The following RGS3 variants were observed in gnomAD, a reference collection of about 807,000 sequenced individuals.
The protein encoded by RGS3 is regulator of G protein signaling 3.
RGS3 carries 80 observed loss-of-function variants against 132.6 expected under a neutral mutation model. That is an observed-to-expected ratio of 0.60 (90% CI 0.50 to 0.73). The LOEUF (loss-of-function observed/expected upper bound fraction) is 0.73, where lower values mean the gene tolerates loss of function less well. Ranked by LOEUF, RGS3 falls within the 30% of genes least tolerant of loss-of-function variation. The pLI is 0.00. For missense variants in RGS3, 1,382 were observed against 1,530.8 expected (o/e 0.90, Z 1.62); for synonymous variants, 598 against 620.6 (o/e 0.96, Z 0.54).
intron 3 of RGS3, among the ~76,000 whole-genome samples, chr9:113,477,619 A>T (rs1564463401): frequency 6.6e-6 from 1 of 152,106 alleles, no homozygotes; most frequent in Non-Finnish European, 1.5e-5. Flanking sequence ...GCTGTGAGGG[A>T]TTGTGGAAGG....
Position 113,565,656 on chromosome 9 carries a change from G to C in RGS3, c.2038-17794G>C, listed in dbSNP as rs1048379163. 1 of 284,690 alleles carries C rather than the reference G, an allele frequency of 3.5e-6. No individual in the cohort carries two copies. Among genetic ancestry groups the C allele is most frequent in the African/African-American group, 2.2e-5 (1 of 44,938 alleles). 17.6% of individuals were successfully genotyped at this position (284,690 alleles called of 1,614,324 possible). A position where few individuals can be genotyped will look rare whatever the true frequency, so the allele number is the denominator to read the frequency against. ...CGGCCGCCCGCCTGCGGGAGGAGCC[G>C]GGTGGAAACCTGGGCGGGCGAGCTG... On this transcript the variant is annotated intron_variant, in intron 19 of 24. Coordinates refer to ENST00000350696, the Ensembl canonical transcript of RGS3. The surrounding 1 kb of genome is among the most constrained non-coding windows in gnomAD (Gnocchi z 5.7).
chr9:113,561,655 C>G (rs371841870), intron 19 of RGS3, among the ~76,000 whole-genome samples: 70 of 150,606 alleles, frequency 4.6e-4, no homozygotes, highest in Non-Finnish European at 9.1e-4. Context: ...CTCCTGGGCT[C>G]AAATGATCCT....
chr9:113,472,013 T>C (rs1829851125), intron 3 of RGS3, among the ~76,000 whole-genome samples: 1 of 152,028 alleles, frequency 6.6e-6, no homozygotes, highest in African/African-American at 2.4e-5. Context: ...GCTAACAGCA[T>C]GTGAAAAAAT....
At chr9:113,517,173 C>A (rs1831713674) in intron 15 of RGS3, 1 of 473,814 alleles carries the variant, frequency 2.1e-6, no homozygotes, top group Admixed American at 2.3e-5. Flanking sequence ...GAGGCATGAA[C>A]AGGATAGATG....
In RGS3 at chr9:113,579,030, C is replaced by T. The variant is rs941297796; in HGVS notation, c.2038-4420C>T. ...ATGTCCAGTGCTCTGTCAGTAAAAT[C>T]CTGGCTGTTAAGGGCCACCCTGAGA... On this transcript the variant is annotated intron_variant, in intron 19 of 24. Transcript: ENST00000350696. This position sits in a 1 kb window ranked among gnomAD's most constrained non-coding sequence, Gnocchi z 4.3. 1.8e-4 allele frequency among the ~76,000 whole-genome samples: 27 copies of T among 152,132 alleles called. No homozygotes were observed. Among genetic ancestry groups the T allele is most frequent in the Non-Finnish European group, 4.4e-5 (3 of 68,022 alleles).
chr9:113,514,105 C>T (rs537994790), intron 14 of RGS3, among the ~76,000 whole-genome samples: 13 of 152,246 alleles, frequency 8.5e-5, no homozygotes, highest in South Asian at 4.1e-4. Flanking sequence ...CAAATATGAG[C>T]GATTTCTTGA....
rs200967257 is a variant in RGS3 at position 113,450,001 on chromosome 9, TC to T, written c.-13+5077del. ...CTCAGGTGATCTGCCCACCTCGGCC[TC>T]CCAAAGTGCTGGGATTATAGGCATG... On this transcript the variant is annotated intron_variant, in intron 1 of 25. Coordinates refer to the RGS3 transcript ENST00000374140. Among the ~76,000 whole-genome samples, 795 of 152,228 alleles carry T rather than the reference TC, an allele frequency of 5.2e-3. 27 individuals carry two copies. The highest frequency in any genetic ancestry group is 0.045 in the Admixed American group (693 of 15,296).
chr9:113,487,670 T>G (rs1244094062), intron 7 of RGS3, among the ~76,000 whole-genome samples: 1 of 151,550 alleles, frequency 6.6e-6, no homozygotes, highest in Non-Finnish European at 1.5e-5. Context: ...AAGAGTGGAG[T>G]GAGGAGGGAT....
chr9:113,527,605 T>C (rs1296528034), intron 17 of RGS3, among the ~76,000 whole-genome samples: 1 of 152,202 alleles, frequency 6.6e-6, no homozygotes, highest in East Asian at 1.9e-4. Flanking sequence ...AACCCTCATT[T>C]ACATAAGGGA....
chr9:113,532,893 C>T lies in RGS3; in HGVS notation c.1914+3629C>T, dbSNP rs138664217. Among the ~76,000 whole-genome samples, 100 of 152,314 alleles carry T rather than the reference C, an allele frequency of 6.6e-4. 1 individual carries two copies. In the South Asian group the frequency reaches 0.015, roughly 23 times the overall value. Reference sequence around the variant, plus strand: ...AAGCTGCCAGCGAACTCTGCAGCTGCTCTGAGACCCAGCTACCTACAGAAT... The same window carrying T: ...AAGCTGCCAGCGAACTCTGCAGCTGTTCTGAGACCCAGCTACCTACAGAAT... On this transcript the variant is annotated intron_variant, in intron 18 of 24. Coordinates refer to ENST00000350696, the Ensembl canonical transcript of RGS3.
intron 19 of RGS3, among the ~76,000 whole-genome samples, chr9:113,543,863 A>AT (rs996622272): frequency 2.0e-5 from 3 of 152,212 alleles, no homozygotes; most frequent in African/African-American, 7.2e-5. Context: ...GGAAGTGGAC[A>AT]TCAGTTCCTG....
intron 1 of RGS3, among the ~76,000 whole-genome samples, chr9:113,461,063 T>C (rs1357946998): frequency 6.6e-6 from 1 of 152,156 alleles, no homozygotes; most frequent in Non-Finnish European, 1.5e-5. Context: ...GGTGTGTTTG[T>C]ATATGTATGT....
chr9:113,524,993 G>A (rs534638742), intron 17 of RGS3, among the ~76,000 whole-genome samples: 23 of 152,278 alleles, frequency 1.5e-4, no homozygotes, highest in African/African-American at 4.8e-4. Flanking sequence ...CTGCAGCCTT[G>A]TGTAAGCTTG....
chr9:113,520,759 C>A (rs977152369), intron 16 of RGS3, among the ~76,000 whole-genome samples: 3 of 151,996 alleles, frequency 2.0e-5, no homozygotes, highest in African/African-American at 7.2e-5. Flanking sequence ...CTCAGACAAC[C>A]AATTCCTTGA....
intron 19 of RGS3, among the ~76,000 whole-genome samples, chr9:113,550,228 T>G (rs1220753353): frequency 6.6e-6 from 1 of 152,164 alleles, no homozygotes; most frequent in Non-Finnish European, 1.5e-5. Context: ...CCAGGCATGG[T>G]GGCGCATGCC....
chr9:113,566,950 A>G lies in RGS3; in HGVS notation c.2038-16500A>G, dbSNP rs531523394. On this transcript the variant is annotated intron_variant, in intron 19 of 24. Transcript: ENST00000350696. ...ACCTCCCCTCTTCCCCAGCCCTAGC[A>G]CATGGTGTGGCTTAGCCTAGGGCAG... Among the ~76,000 whole-genome samples, 6 of 152,312 alleles carry G rather than the reference A, an allele frequency of 3.9e-5. No individual in the cohort carries two copies. In the East Asian group the frequency reaches 1.2e-3, roughly 29 times the overall value.
chr9:113,596,523 T>A (rs924957080), intron 24 of RGS3, among the ~76,000 whole-genome samples: 2 of 152,204 alleles, frequency 1.3e-5, no homozygotes, highest in Non-Finnish European at 2.9e-5. Flanking sequence ...CTGCTAGGAT[T>A]TGAACCCAGG....
chr9:113,515,136 A>G (rs1466599378), intron 15 of RGS3, among the ~76,000 whole-genome samples: 3 of 152,248 alleles, frequency 2.0e-5, no homozygotes, highest in East Asian at 1.9e-4. Flanking sequence ...TTATTCTCCA[A>G]CGTCAAACAA....
At position 113,537,568 on chromosome 9, in the gene RGS3, T is replaced by C. The variant is rs565893275; in HGVS notation, c.2037+650T>C. Among the ~76,000 whole-genome samples, 1 of 152,286 alleles carries C rather than the reference T, an allele frequency of 6.6e-6. No individual in the cohort carries two copies. Among genetic ancestry groups the C allele is most frequent in the South Asian group, 2.1e-4 (1 of 4,822 alleles). On this transcript the variant is annotated intron_variant, in intron 19 of 24. Transcript: ENST00000350696. This position sits in a 1 kb window ranked among gnomAD's most constrained non-coding sequence, Gnocchi z 4.3. ...TGACACTCCGATGCCAGCCACAAAGTACAGTTATATTACCCCATTTGTGAG... is the reference window on the plus strand; with the variant it reads ...TGACACTCCGATGCCAGCCACAAAGCACAGTTATATTACCCCATTTGTGAG...
Sources: gnomAD v4.1 joint callset for allele counts (sites outside exome capture counted in the v4.1 genomes callset) on GRCh38, gnomAD v4.1.1 for gene constraint, Gnocchi (gnomAD v3.1) non-coding constraint, MANE v1.5 for transcripts, NCBI Gene and HGNC (gene_info 2026-07-23, HGNC 2026-07-21) for gene names.